The following NAV2 variants were observed in gnomAD, a reference collection of about 807,000 sequenced individuals.
NAV2 encodes the protein neuron navigator 2, also known as helicase, APC down-regulated 1.
In NAV2, 54 loss-of-function variants were observed where a neutral mutation model predicts 223.2. The ratio of observed to expected loss-of-function variants is 0.24; its 90% CI spans 0.19 to 0.30. The LOEUF is 0.30. Among genes scored for constraint, NAV2 ranks in the 10% least tolerant of loss-of-function variants. NAV2 has a pLI of 1.00. For missense variants in NAV2, 2,806 were observed against 3,147.5 expected (o/e 0.89, Z 2.60); for synonymous variants, 1,279 against 1,239.3 (o/e 1.03, Z -0.67).
upstream of NAV2, among the ~76,000 whole-genome samples, chr11:19,710,361 A>G (rs903795781): frequency 3.3e-5 from 5 of 152,194 alleles, no homozygotes; most frequent in African/African-American, 9.6e-5. Flanking sequence ...TTCTAGACCA[A>G]CTGAATCTGA....
intron 1 of NAV2, among the ~76,000 whole-genome samples, chr11:19,695,213 C>T (rs1376931055): frequency 6.6e-6 from 1 of 152,192 alleles, no homozygotes; most frequent in Non-Finnish European, 1.5e-5. Context: ...GGAGTTGAGT[C>T]GGCACTCTCC....
At chr11:19,754,619 A>G (rs2054089788) in intron 1 of NAV2, among the ~76,000 whole-genome samples, 4 of 152,232 alleles carry the variant, frequency 2.6e-5, no homozygotes. Context: ...CTGGTTCTCC[A>G]GCTCATGTGT....
intron 6 of NAV2, among the ~76,000 whole-genome samples, chr11:19,925,663 G>A (rs1036003943): frequency 6.6e-6 from 1 of 151,610 alleles, no homozygotes; most frequent in African/African-American, 2.4e-5. Flanking sequence ...CAAGAGAATT[G>A]CTTGAACCCG....
chr11:19,459,918 G>T (rs1238891423), intron 1 of NAV2, among the ~76,000 whole-genome samples: 1 of 152,164 alleles, frequency 6.6e-6, no homozygotes, highest in Non-Finnish European at 1.5e-5. Context: ...GATTGCAAGT[G>T]GGGAGAAGAT....
chr11:19,661,569 T>A (rs188984651), intron 1 of NAV2, among the ~76,000 whole-genome samples: 2 of 152,180 alleles, frequency 1.3e-5, no homozygotes, highest in East Asian at 3.8e-4. Flanking sequence ...TGGATTGTAA[T>A]CCTGGCTTTG....
At position 20,045,655 on chromosome 11, in the gene NAV2, C is replaced by T. The variant is rs1044154830; in HGVS notation, c.3887C>T (p.Ser1296Phe). The change falls in exon 14 of 38, where the codon TCT becomes TTT. Residue 1296 changes from serine to phenylalanine, a missense_variant. Ser to Phe is a radical substitution (Grantham distance 155). Around this residue, in one of 4 missense-constraint regions of NAV2, gnomAD observed 742 missense variants for 777.9 expected, o/e 0.95. Coordinates refer to ENST00000349880, the MANE Select transcript of NAV2 (RefSeq NM_145117.5). Reference protein sequence around the residue: ...QPGAKYPDVASPTLRRLFGGK... With the variant: ...QPGAKYPDVAFPTLRRLFGGK... ...GGAGCCAAGTACCCAGATGTGGCCT[C>T]TCCCACACTCCGCAGGTAAGTGAGT... 9 of 1,613,400 alleles carry T rather than the reference C, an allele frequency of 5.6e-6. No individual in the cohort carries two copies. Among genetic ancestry groups the T allele is most frequent in the Non-Finnish European group, 6.8e-6 (8 of 1,179,558 alleles).
At chr11:19,451,325 C>A (rs1298989717) in intron 1 of NAV2, among the ~76,000 whole-genome samples, 1 of 152,110 alleles carries the variant, frequency 6.6e-6, no homozygotes, top group African/African-American at 2.4e-5. Flanking sequence ...TTACTTGTAT[C>A]CCCCAAGCAG....
Position 19,756,144 on chromosome 11 carries a change from C to T in NAV2, c.267+42182C>T, listed in dbSNP as rs138314870. 4.3e-3 allele frequency among the ~76,000 whole-genome samples: 660 copies of T among 152,286 alleles called. 4 individuals carry two copies. Among genetic ancestry groups the T allele is most frequent in the African/African-American group, 0.015 (622 of 41,586 alleles). On this transcript the variant is annotated intron_variant, in intron 1 of 37. Coordinates refer to ENST00000349880, the MANE Select transcript of NAV2 (RefSeq NM_145117.5). ...GGACGGGATGGGGGCTCAGATGTTC[C>T]TCATGGGCAAGGAATGAATCTGTGG...
chr11:20,045,350 G>A lies in NAV2; in HGVS notation c.3582G>A (p.Pro1194=), dbSNP rs199897785. The change falls in exon 14 of 38, where the codon CCG becomes CCA. Residue 1194 remains proline, a synonymous_variant. Transcript: ENST00000349880. ...CAAACCTTCAGTACCGGAGTTTGCC[G>A]AGGCCCAGTAAGTCCAACAGCCGGA... is the stretch of plus-strand genomic sequence containing the variant. The part of the protein sequence containing the change: ...SRTNLQYRSL[P]RPSKSNSRNG... 59 of 1,614,162 alleles carry A rather than the reference G, an allele frequency of 3.7e-5. No individual in the cohort carries two copies. Among genetic ancestry groups the A allele is most frequent in the African/African-American group, 3.2e-4 (24 of 75,054 alleles).
chr11:19,670,040 T>C (rs2048535345), intron 1 of NAV2, among the ~76,000 whole-genome samples: 1 of 152,188 alleles, frequency 6.6e-6, no homozygotes, highest in African/African-American at 2.4e-5. Context: ...CTTCACTAAC[T>C]CATGGACTCC....
chr11:19,464,229 C>G (rs117793855), intron 1 of NAV2, among the ~76,000 whole-genome samples: 7,846 of 152,228 alleles, frequency 0.052, 276 homozygotes, highest in Non-Finnish European at 0.079. Context: ...AAAATGCCAT[C>G]CCTGCTTTAA....
chr11:19,430,846 T>G (rs1045966316), intron 1 of NAV2, among the ~76,000 whole-genome samples: 1 of 152,218 alleles, frequency 6.6e-6, no homozygotes, highest in Admixed American at 6.5e-5. Flanking sequence ...CAGCCTCCTC[T>G]GACACAGCCT....
chr11:19,392,400 T>C (rs1317468098), intron 1 of NAV2, among the ~76,000 whole-genome samples: 1 of 150,644 alleles, frequency 6.6e-6, no homozygotes, highest in East Asian at 1.9e-4. Flanking sequence ...TTTTTCTGCT[T>C]TTTGCTCCAT....
intron 1 of NAV2, among the ~76,000 whole-genome samples, chr11:19,482,565 T>C (rs1374646770): frequency 6.6e-6 from 1 of 151,884 alleles, no homozygotes; most frequent in Non-Finnish European, 1.5e-5. Flanking sequence ...CTGGGGAAGA[T>C]AGAGTCTTAG....
intron 1 of NAV2, among the ~76,000 whole-genome samples, chr11:19,657,642 G>T (rs1471032391): frequency 6.6e-6 from 1 of 152,178 alleles, no homozygotes. Context: ...ACCAGGCAGG[G>T]TAGACCAGAT....
chr11:19,520,640 C>T (rs1197576386), intron 1 of NAV2, among the ~76,000 whole-genome samples: 2 of 151,852 alleles, frequency 1.3e-5, no homozygotes, highest in Non-Finnish European at 2.9e-5. Flanking sequence ...CCTATTTTAC[C>T]CTATCTTTGG....
chr11:19,538,467 T>A (rs11604255), intron 1 of NAV2, among the ~76,000 whole-genome samples: 17,858 of 151,840 alleles, frequency 0.12, 1,187 homozygotes, highest in African/African-American at 0.17. Flanking sequence ...CAGCCTCCCG[T>A]GTAGCTGGGA....
At chr11:19,546,412 G>T (rs2044500345) in intron 1 of NAV2, among the ~76,000 whole-genome samples, 1 of 152,228 alleles carries the variant, frequency 6.6e-6, no homozygotes, top group African/African-American at 2.4e-5. Context: ...GGCCCAGATG[G>T]CAGAGGCTGA....
At chr11:19,533,985 C>CT (rs2044110229) in intron 1 of NAV2, among the ~76,000 whole-genome samples, 1 of 132,256 alleles carries the variant, frequency 7.6e-6, no homozygotes, top group African/African-American at 4.4e-5. Context: ...GGATTACAGG[C>CT]GTGAGCCACC....
Sources: gnomAD v4.1 joint callset for allele counts (sites outside exome capture counted in the v4.1 genomes callset) on GRCh38, gnomAD v4.1.1 for gene constraint, gnomAD v4.1.1 regional missense constraint, MANE v1.5 for transcripts, NCBI Gene and HGNC (gene_info 2026-07-23, HGNC 2026-07-21) for gene names.